Variants in SERPINE3 observed in about 807,000 individuals in gnomAD.
SERPINE3 encodes serpin family E member 3.
SERPINE3 carries 43 observed loss-of-function variants against 41.7 expected under a neutral mutation model. The ratio of observed to expected loss-of-function variants is 1.03; its 90% CI spans 0.81 to 1.33. SERPINE3 has a LOEUF of 1.33. Ranked by LOEUF, SERPINE3 falls within the 40% of genes most tolerant of loss-of-function variation. The probability of loss-of-function intolerance (pLI) is 0.00; values close to 1 mark genes in which losing one functional copy is unlikely to be tolerated. For synonymous variants in SERPINE3, 200 were observed against 192.2 expected, an observed-to-expected ratio of 1.04 and a Z score of -0.34; for missense variants, 440 against 491.7, an observed-to-expected ratio of 0.89 and a Z score of 0.99.
In SERPINE3 at chr13:51,361,830, T is replaced by C; in HGVS notation, c.1108T>C (p.Ser370Pro). 6.2e-7 allele frequency: 1 copy of C among 1,610,038 alleles called. No individual in the cohort carries two copies. Among genetic ancestry groups the C allele is most frequent in the Non-Finnish European group, 8.5e-7 (1 of 1,178,172 alleles). ...TGCAGCTCTGTTGTTATTGAAAAGG[T>C]CTCGGATTCCTATTTTTAAAGCAGA... ...GATALLLLKR[S>P]RIPIFKADRP... The change falls in exon 9 of 10, where the codon TCT becomes CCT. Residue 370 changes from serine to proline, a missense_variant. Transcript: ENST00000681248.
Position 51,340,850 on chromosome 13 carries a change from C to T in SERPINE3, c.-29C>T. 1.8e-6 allele frequency: 1 copy of T among 566,646 alleles called. No individual in the cohort carries two copies. The highest frequency in any genetic ancestry group is 2.9e-5 in the East Asian group (1 of 34,264). 35.1% of individuals were successfully genotyped at this position (566,646 alleles called of 1,614,324 possible). A position where few individuals can be genotyped will look rare whatever the true frequency, so the allele number is the denominator to read the frequency against. The stretch of plus-strand genomic sequence containing the variant: ...ATCTTCAGACCCACAGTTTGGCTGC[C>T]AAAGGACCACAGTGAGTATTTCTAA... On this transcript the variant is annotated 5_prime_UTR_variant, in exon 2 of 10. Coordinates refer to ENST00000681248, the MANE Select transcript of SERPINE3 (RefSeq NM_001386375.1).
chr13:51,353,175 A>G (rs754818868), intron 6 of SERPINE3, among the ~76,000 whole-genome samples: 2 of 152,168 alleles, frequency 1.3e-5, no homozygotes, highest in Non-Finnish European at 2.9e-5. Context: ...CTAATCTTTT[A>G]TAGTCATATC....
intron 6 of SERPINE3, among the ~76,000 whole-genome samples, chr13:51,351,603 T>C (rs1435623560): frequency 2.0e-5 from 3 of 152,142 alleles, no homozygotes; most frequent in Non-Finnish European, 4.4e-5. Context: ...TTCTCAATGG[T>C]GTCCTTTGAA....
chr13:51,347,222 G>C lies in SERPINE3; in HGVS notation c.688G>C (p.Glu230Gln). ...LQVPMMHQTT[E>Q]VNYGQFQDTA... ...GGTCCCCATGATGCACCAAACGACC[G>C]AGGTCAACTACGGTGAGCTCTGCCC... The change falls in exon 5 of 10, where the codon GAG (glutamate) becomes CAG (glutamine). Residue 230 changes from glutamate (E) to glutamine (Q), a missense_variant. Glu to Gln is a conservative substitution (Grantham distance 29). Coordinates refer to ENST00000681248, the MANE Select transcript of SERPINE3 (RefSeq NM_001386375.1). 6.2e-7 allele frequency: 1 copy of C among 1,613,622 alleles called. No homozygotes were observed. Among genetic ancestry groups the C allele is most frequent in the South Asian group, 1.1e-5 (1 of 90,946 alleles).
In SERPINE3 at chr13:51,348,415, A is replaced by G; in HGVS notation, c.899+4A>G. The G allele has an allele frequency of 6.2e-7, 1 of 1,612,110 alleles. No homozygotes were observed. On this transcript the variant is annotated splice_donor_region_variant and intron_variant, in intron 6 of 9. Transcript: ENST00000681248. ...GGATGGATGTGTTCCTGCCCAGGTGAGCAGCTGAGTCCCCCTCACAGGTGC... is the reference window on the plus strand; with the variant it reads ...GGATGGATGTGTTCCTGCCCAGGTGGGCAGCTGAGTCCCCCTCACAGGTGC...
At chr13:51,345,592 CAAAAA>C (rs753888958) in intron 4 of SERPINE3, among the ~76,000 whole-genome samples, 189 of 37,042 alleles carry the variant, frequency 5.1e-3, no homozygotes, top group African/African-American at 0.016. Context: ...GATTTCATCT[CAAAAA>C]AAAAAAAAAA....
chr13:51,351,636 T>C (rs1955403957), intron 6 of SERPINE3, among the ~76,000 whole-genome samples: 1 of 152,138 alleles, frequency 6.6e-6, no homozygotes, highest in South Asian at 2.1e-4. Flanking sequence ...TTAATTTGGA[T>C]GAAGCTCAAT....
chr13:51,348,185 GCTGACCT>G (rs772441328), intron 5 of SERPINE3, 21 bp from the exon 6 acceptor site: 9 of 1,532,936 alleles, frequency 5.9e-6, no homozygotes, highest in Non-Finnish European at 8.0e-6. Flanking sequence ...CTGGGACAGA[GCTGACCT>G]CTGATCCACT....
Position 51,364,428 on chromosome 13 carries a change from C to A in SERPINE3, c.*146C>A. 2.1e-6 allele frequency: 1 copy of A among 481,678 alleles called. No homozygotes were observed. Among genetic ancestry groups the A allele is most frequent in the Non-Finnish European group, 3.6e-6 (1 of 277,128 alleles). The allele number at this position is 481,678 out of a possible 1,614,324, so 29.8% of individuals were successfully genotyped here. ...CAATATTATAAACCTAAAAATACTT[C>A]AGTTTTTAAATGTTATAAGTTTATT... On this transcript the variant is annotated 3_prime_UTR_variant, in exon 10 of 10. Transcript: ENST00000681248.
At chr13:51,342,510 T>C (rs1430903533) in intron 3 of SERPINE3, among the ~76,000 whole-genome samples, 5 of 152,266 alleles carry the variant, frequency 3.3e-5, no homozygotes, top group African/African-American at 7.2e-5. Flanking sequence ...TACCCTGTCA[T>C]TGCATATTCT....
intron 7 of SERPINE3, among the ~76,000 whole-genome samples, chr13:51,360,806 C>G (rs1436666182): frequency 6.6e-6 from 1 of 151,958 alleles, no homozygotes; most frequent in Non-Finnish European, 1.5e-5. Flanking sequence ...AAAAGTGGCT[C>G]TTAAAGTGCA....
chr13:51,360,641 ATTTGC>A (rs761135746), intron 7 of SERPINE3, among the ~76,000 whole-genome samples: 14 of 152,014 alleles, frequency 9.2e-5, no homozygotes, highest in Admixed American at 3.9e-4. Flanking sequence ...CTAACCTCTC[ATTTGC>A]TTTGTAGATT....
intron 6 of SERPINE3, among the ~76,000 whole-genome samples, chr13:51,351,535 T>C (rs1320470216): frequency 6.6e-6 from 1 of 152,162 alleles, no homozygotes; most frequent in Non-Finnish European, 1.5e-5. Context: ...TGGATACTAG[T>C]ACCTTAACAG....
At chr13:51,353,918 A>AG (rs1955438813) in intron 6 of SERPINE3, among the ~76,000 whole-genome samples, 1 of 152,120 alleles carries the variant, frequency 6.6e-6, no homozygotes, top group South Asian at 2.1e-4. Context: ...GCCCTTTTAA[A>AG]GTATCCTTCA....
chr13:51,341,187 G>C lies in SERPINE3; in HGVS notation c.96G>C (p.Glu32Asp). The change falls in exon 3 of 10, where the codon GAG (glutamate) becomes GAC (aspartate). Residue 32 changes from glutamate (E) to aspartate (D), a missense_variant. Transcript: ENST00000681248. The stretch of plus-strand genomic sequence containing the variant: ...AAGGAATGACATTGCTGAAGACTGA[G>C]TTTGCACTTCACCTCTACCAGAGTG... ...LREGMTLLKT[E>D]FALHLYQSVA... 6.2e-7 allele frequency: 1 copy of C among 1,614,052 alleles called. No homozygotes were observed. Among genetic ancestry groups the C allele is most frequent in the Non-Finnish European group, 8.5e-7 (1 of 1,179,902 alleles).
At chr13:51,345,900 G>C (rs1209032094) in intron 4 of SERPINE3, among the ~76,000 whole-genome samples, 1 of 152,236 alleles carries the variant, frequency 6.6e-6, no homozygotes, top group African/African-American at 2.4e-5. Flanking sequence ...ACAGAGTCCA[G>C]AGCCAGGCTG....
chr13:51,340,741 C>T (rs1426733206), intron 1 of SERPINE3, 43 bp from the exon 2 acceptor site: 4 of 323,460 alleles, frequency 1.2e-5, no homozygotes, highest in Non-Finnish European at 2.3e-5. Context: ...TTACCTCTTA[C>T]ATTTCTTTTC....
intron 4 of SERPINE3, among the ~76,000 whole-genome samples, chr13:51,345,236 C>A (rs901049444): frequency 6.6e-6 from 1 of 152,144 alleles, no homozygotes; most frequent in Admixed American, 6.5e-5. Context: ...CCAGGGTCCA[C>A]AGGCCAGGAT....
chr13:51,342,178 C>CA (rs869298134), intron 3 of SERPINE3, among the ~76,000 whole-genome samples: 12,939 of 63,644 alleles, frequency 0.2, 853 homozygotes, highest in Admixed American at 0.26. Context: ...AAAGACAGAA[C>CA]AAAAAAAAAA....
Sources: gnomAD v4.1 joint callset for allele counts (sites outside exome capture counted in the v4.1 genomes callset) on GRCh38, gnomAD v4.1.1 for gene constraint, MANE v1.5 for transcripts, NCBI Gene and HGNC (gene_info 2026-07-23, HGNC 2026-07-21) for gene names.